Variants in EVI5 observed in about 807,000 individuals in gnomAD.
The protein encoded by EVI5 is ecotropic viral integration site 5 protein homolog.
A neutral mutation model predicts 112.0 loss-of-function variants in EVI5; 73 were observed. That is an observed-to-expected ratio of 0.65 (90% CI 0.54 to 0.79). The LOEUF (loss-of-function observed/expected upper bound fraction) is 0.79. Ranked by LOEUF, EVI5 falls within the 30% of genes least tolerant of loss-of-function variation. The probability of loss-of-function intolerance (pLI) is 0.00; values close to 1 mark genes in which losing one functional copy is unlikely to be tolerated. For synonymous variants in EVI5, 305 were observed against 319.9 expected (o/e 0.95, Z 0.50); for missense variants, 900 against 968.8 (o/e 0.93, Z 0.94).
intron 14 of EVI5, among the ~76,000 whole-genome samples, chr1:92,634,512 C>T (rs993895878): frequency 2.6e-5 from 4 of 152,142 alleles, no homozygotes; most frequent in African/African-American, 4.8e-5. Flanking sequence ...GTTCTCGTGC[C>T]GTGGTTTTCA....
At chr1:92,698,733 A>C (rs1169256976) in intron 5 of EVI5, among the ~76,000 whole-genome samples, 1 of 152,216 alleles carries the variant, frequency 6.6e-6, no homozygotes, top group Admixed American at 6.5e-5. Flanking sequence ...AGAGAGAGGG[A>C]TTTTTGAGGA....
In EVI5 at chr1:92,646,939, A is replaced by G. The variant is rs1557988235; in HGVS notation, c.1393-10603T>C. 1.4e-5 allele frequency: 3 copies of G among 214,906 alleles called. 1 individual carries two copies. Among genetic ancestry groups the G allele is most frequent in the Non-Finnish European group, 3.0e-5 (3 of 100,914 alleles). The allele number at this position is 214,906 out of a possible 1,614,324, so 13.3% of individuals were successfully genotyped here. A position where few individuals can be genotyped will look rare whatever the true frequency, so the allele number is the denominator to read the frequency against. On this transcript the variant is annotated intron_variant, in intron 13 of 19. Transcript: ENST00000684568. ...GATTGTGATCAAATTCTGTAATTAAACCTAATGAGGGCAACAGACATTTCT... is the reference window on the plus strand; with the variant it reads ...GATTGTGATCAAATTCTGTAATTAAGCCTAATGAGGGCAACAGACATTTCT...
intron 18 of EVI5, among the ~76,000 whole-genome samples, chr1:92,601,655 T>C (rs1422632679): frequency 6.6e-6 from 1 of 152,104 alleles, no homozygotes; most frequent in Non-Finnish European, 1.5e-5. Flanking sequence ...TACAAAAAGT[T>C]GAACTCAAAA....
At chr1:92,731,621 C>A (rs1378658155) in intron 2 of EVI5, among the ~76,000 whole-genome samples, 1 of 152,084 alleles carries the variant, frequency 6.6e-6, no homozygotes, top group African/African-American at 2.4e-5. Flanking sequence ...ACAGTGGAGG[C>A]CTAACACTAT....
chr1:92,524,954 A>G (rs1411197176), intron 19 of EVI5, among the ~76,000 whole-genome samples: 2 of 151,044 alleles, frequency 1.3e-5, no homozygotes, highest in African/African-American at 4.9e-5. Flanking sequence ...CAGCCTCCTC[A>G]GTAGCTGGGA....
chr1:92,591,043 C>T (rs1476707598), intron 18 of EVI5, among the ~76,000 whole-genome samples: 1 of 152,154 alleles, frequency 6.6e-6, no homozygotes, highest in African/African-American at 2.4e-5. Context: ...AAATAAAATC[C>T]TTTACAGACA....
At position 92,527,429 on chromosome 1, in the gene EVI5, A is replaced by AAAAAAAAG. The variant is rs1662093705; in HGVS notation, c.2167-13460_2167-13459insCTTTTTTT. On this transcript the variant is annotated intron_variant, in intron 19 of 19. Transcript: ENST00000684568. ...GACACTGTCTCAAAAAAAAAAAAAAAAAAAGAAAAAAAGAAATAAAAGAAA... is the reference window on the plus strand; with the variant it reads ...GACACTGTCTCAAAAAAAAAAAAAAAAAAAAAAGAAAAGAAAAAAAGAAATAAAAGAAA... 6.7e-5 allele frequency among the ~76,000 whole-genome samples: 9 copies of AAAAAAAAG among 134,764 alleles called. 1 individual carries two copies. The highest frequency in any genetic ancestry group is 9.3e-5 in the Non-Finnish European group (6 of 64,500). The allele number at this position is 134,764 out of a possible 152,430, so 88.4% of individuals were successfully genotyped here. A position where few individuals can be genotyped will look rare whatever the true frequency, so the allele number is the denominator to read the frequency against.
intron 19 of EVI5, among the ~76,000 whole-genome samples, chr1:92,544,915 C>T (rs1320317920): frequency 3.3e-5 from 5 of 152,146 alleles, no homozygotes; most frequent in Non-Finnish European, 5.9e-5. Flanking sequence ...TAACTTAAAT[C>T]AGACAGGCAG....
At chr1:92,683,959 C>G (rs529132731) in intron 9 of EVI5, among the ~76,000 whole-genome samples, 164 of 152,232 alleles carry the variant, frequency 1.1e-3, no homozygotes, top group African/African-American at 3.6e-3. Context: ...GACAATGGAA[C>G]CAAGTTAGAA....
intron 2 of EVI5, among the ~76,000 whole-genome samples, chr1:92,720,895 C>T (rs1674634322): frequency 6.6e-6 from 1 of 152,160 alleles, no homozygotes; most frequent in Admixed American, 6.5e-5. Flanking sequence ...CAAAAGAAGA[C>T]ATTTATGCAG....
chr1:92,741,807 T>TA (rs1411205385), intron 1 of EVI5, among the ~76,000 whole-genome samples: 1 of 152,174 alleles, frequency 6.6e-6, no homozygotes, highest in Non-Finnish European at 1.5e-5. Flanking sequence ...TCAGCTCATT[T>TA]AAAAGACCTC....
intron 16 of EVI5, among the ~76,000 whole-genome samples, chr1:92,614,794 T>C (rs1652652330): frequency 6.7e-6 from 1 of 148,338 alleles, no homozygotes; most frequent in African/African-American, 2.5e-5. Context: ...GAGTTATATA[T>C]ATGTATGTGT....
In EVI5 at chr1:92,736,622, C is replaced by A. The variant is rs760574385; in HGVS notation, c.-76G>T. Reference sequence around the variant, plus strand: ...TCAGCTTTTCTGCAACTTTGTCTGTCGCCACCTAAGGACAAAAATAAAAGT... The same window carrying A: ...TCAGCTTTTCTGCAACTTTGTCTGTAGCCACCTAAGGACAAAAATAAAAGT... On this transcript the variant is annotated 5_prime_UTR_variant, in exon 2 of 20. Coordinates refer to ENST00000684568, the MANE Select transcript of EVI5 (RefSeq NM_001350197.2). 9 of 1,611,600 alleles carry A rather than the reference C, an allele frequency of 5.6e-6. No individual in the cohort carries two copies. The Middle Eastern group carries it at 6.6e-4, about 118-fold the overall frequency.
At chr1:92,533,669 C>G (rs1217064714) in intron 19 of EVI5, among the ~76,000 whole-genome samples, 1 of 152,126 alleles carries the variant, frequency 6.6e-6, no homozygotes, top group Non-Finnish European at 1.5e-5. Flanking sequence ...CAAGCAGAAC[C>G]AATGACAAAA....
intron 9 of EVI5, among the ~76,000 whole-genome samples, chr1:92,689,008 A>C (rs1669035170): frequency 6.6e-6 from 1 of 152,224 alleles, no homozygotes; most frequent in African/African-American, 2.4e-5. Flanking sequence ...CTAACAAGTC[A>C]AAGCAGTATG....
chr1:92,601,328 GA>G (rs1649129214), intron 18 of EVI5, among the ~76,000 whole-genome samples: 1 of 152,110 alleles, frequency 6.6e-6, no homozygotes, highest in South Asian at 2.1e-4. Context: ...ATCAAAAACA[GA>G]TGATATGATC....
At chr1:92,599,302 G>T (rs187082589) in intron 18 of EVI5, among the ~76,000 whole-genome samples, 1 of 151,852 alleles carries the variant, frequency 6.6e-6, no homozygotes, top group Non-Finnish European at 1.5e-5. Flanking sequence ...CATTTTACTC[G>T]CAAGAGAGTA....
At chr1:92,628,957 A>T (rs1283877011) in intron 14 of EVI5, among the ~76,000 whole-genome samples, 3 of 152,240 alleles carry the variant, frequency 2.0e-5, no homozygotes, top group Non-Finnish European at 4.4e-5. Context: ...TACCATAGGA[A>T]GCATGCTACC....
intron 18 of EVI5, among the ~76,000 whole-genome samples, chr1:92,603,369 G>A (rs1649599821): frequency 6.6e-6 from 1 of 152,100 alleles, no homozygotes; most frequent in Admixed American, 6.5e-5. Flanking sequence ...AGTTAAAGCA[G>A]GGACCTGAAC....
Sources: gnomAD v4.1 joint callset for allele counts (sites outside exome capture counted in the v4.1 genomes callset) on GRCh38, gnomAD v4.1.1 for gene constraint, MANE v1.5 for transcripts, NCBI Gene and HGNC (gene_info 2026-07-23, HGNC 2026-07-21) for gene names.